The following FYB1 variants were observed in gnomAD, a reference collection of about 807,000 sequenced individuals.
FYB1 encodes FYN binding protein 1.
FYB1 carries 41 observed loss-of-function variants against 94.1 expected under a neutral mutation model. That is an observed-to-expected ratio of 0.44 (90% CI 0.34 to 0.57). FYB1 has a LOEUF of 0.57. Ranked by LOEUF, FYB1 falls within the 20% of genes least tolerant of loss-of-function variation. The pLI is 0.02. For synonymous variants in FYB1, 367 were observed against 353.2 expected, an observed-to-expected ratio of 1.04 and a Z score of -0.44; for missense variants, 1,050 against 976.8, an observed-to-expected ratio of 1.07 and a Z score of -1.00.
chr5:39,242,802 C>T (rs10052659), intron 1 of FYB1, among the ~76,000 whole-genome samples: 25,609 of 152,008 alleles, frequency 0.17, 5,756 homozygotes, highest in African/African-American at 0.5. Flanking sequence ...CCAGCACCTG[C>T]TGTTTCCTGA....
chr5:39,225,886 T>A (rs541246856), intron 1 of FYB1, among the ~76,000 whole-genome samples: 73 of 152,314 alleles, frequency 4.8e-4, no homozygotes, highest in African/African-American at 1.7e-3. Context: ...CAGTGGTTGG[T>A]TCCACTTTTT....
Position 39,202,240 on chromosome 5 carries a change from C to A in FYB1, c.721G>T (p.Ala241Ser). ...VRSKSGPLKPAREDSENKDHA... is the reference protein window; with the variant it reads ...VRSKSGPLKPSREDSENKDHA... ...TCTTTATTTTCTGAGTCTTCCCTTGCTGGTTTTAAAGGGCCGCTTTTGGAC... is the reference window on the plus strand; with the variant it reads ...TCTTTATTTTCTGAGTCTTCCCTTGATGGTTTTAAAGGGCCGCTTTTGGAC... Residue 241 changes from alanine to serine, a missense_variant, in exon 2 of 19, where the codon GCA (alanine) becomes TCA (serine). Physicochemically the swap from Ala to Ser is moderately conservative, Grantham distance 99. Transcript: ENST00000512982. The A allele has an allele frequency of 6.2e-7, 1 of 1,613,950 alleles. No individual in the cohort carries two copies. Among genetic ancestry groups the A allele is most frequent in the Non-Finnish European group, 8.5e-7 (1 of 1,179,888 alleles).
intron 3 of FYB1, among the ~76,000 whole-genome samples, chr5:39,147,299 T>G (rs1390613039): frequency 6.6e-6 from 1 of 152,028 alleles, no homozygotes; most frequent in Non-Finnish European, 1.5e-5. Flanking sequence ...AGACAGGATC[T>G]TACTCTGTCC....
chr5:39,127,557 T>C (rs947294036), intron 11 of FYB1, among the ~76,000 whole-genome samples, 184 bp downstream of exon 11: 67 of 152,096 alleles, frequency 4.4e-4, no homozygotes, highest in African/African-American at 1.5e-3. Flanking sequence ...AATCAAACAC[T>C]TCGTTTGAAG....
At chr5:39,119,362 C>G (rs916461780) in intron 15 of FYB1, among the ~76,000 whole-genome samples, 173 bp downstream of exon 15, 3 of 151,778 alleles carry the variant, frequency 2.0e-5, no homozygotes, top group South Asian at 2.1e-4. Flanking sequence ...AAATTTTGTT[C>G]AAAATAAAAG....
At position 39,185,897 on chromosome 5, in the gene FYB1, C is replaced by CACTTTTG. The variant is rs1746741031; in HGVS notation, c.1135+15922_1135+15928dup. On this transcript the variant is annotated intron_variant, in intron 2 of 18. Coordinates refer to ENST00000512982, the MANE Select transcript of FYB1 (RefSeq NM_001465.6). ...AGGGTATGAAGCAGGGACAGCCGGGCACTTTTGACTTCTACACAACAGAAA... is the reference window on the plus strand; with the variant it reads ...AGGGTATGAAGCAGGGACAGCCGGGCACTTTTGACTTTTGACTTCTACACAACAGAAA... 5.3e-5 allele frequency among the ~76,000 whole-genome samples: 8 copies of CACTTTTG among 152,086 alleles called. No homozygotes were observed. The South Asian group carries it at 1.7e-3, about 32-fold the overall frequency.
At chr5:39,181,870 A>T (rs1457475699) in intron 2 of FYB1, among the ~76,000 whole-genome samples, 1 of 151,768 alleles carries the variant, frequency 6.6e-6, no homozygotes, top group Non-Finnish European at 1.5e-5. Context: ...TCCTTTTTTA[A>T]TTTTTTTTAA....
At chr5:39,144,200 T>A (rs1321115115) in intron 3 of FYB1, among the ~76,000 whole-genome samples, 1 of 152,136 alleles carries the variant, frequency 6.6e-6, no homozygotes, top group Non-Finnish European at 1.5e-5. Flanking sequence ...GCTGAAACAT[T>A]AAGGAGTCTG....
At chr5:39,266,468 C>T (rs1752440796) in intron 1 of FYB1, among the ~76,000 whole-genome samples, 1 of 152,198 alleles carries the variant, frequency 6.6e-6, no homozygotes, top group Non-Finnish European at 1.5e-5. Flanking sequence ...CTTCATAAAA[C>T]ACCAAGTGCC....
At position 39,105,983 on chromosome 5, in the gene FYB1, TA is replaced by T. The variant is rs1650776727; in HGVS notation, c.*1459del. ...TGAAGATTTTCAGTTCCTTTACAGTTATTTGAAATTATTTCAATTCTGTGGA... is the reference window on the plus strand; with the variant it reads ...TGAAGATTTTCAGTTCCTTTACAGTTTTTGAAATTATTTCAATTCTGTGGA... On this transcript the variant is annotated 3_prime_UTR_variant, in exon 19 of 19. Coordinates refer to ENST00000512982, the MANE Select transcript of FYB1 (RefSeq NM_001465.6). 1 of 152,178 alleles carries T rather than the reference TA, an allele frequency of 6.6e-6. No individual in the cohort carries two copies. The highest frequency in any genetic ancestry group is 2.1e-4 in the South Asian group (1 of 4,836). The allele number at this position is 152,178 out of a possible 1,614,324, so 9.4% of individuals were successfully genotyped here.
chr5:39,127,450 C>CAAAA (rs34709432), intron 11 of FYB1, among the ~76,000 whole-genome samples: 3 of 66,398 alleles, frequency 4.5e-5, no homozygotes, highest in African/African-American at 9.4e-5. Flanking sequence ...GACTCTGTCT[C>CAAAA]AAAAAAAAAA....
At chr5:39,272,439 C>T (rs939386913) in intron 1 of FYB1, among the ~76,000 whole-genome samples, 6 of 151,410 alleles carry the variant, frequency 4.0e-5, no homozygotes, top group Middle Eastern at 3.2e-3. Flanking sequence ...CCGAGGCAGG[C>T]GGATCATGGG....
At chr5:39,126,695 CAAAAA>C (rs1272438775) in intron 11 of FYB1, among the ~76,000 whole-genome samples, 1 of 29,026 alleles carries the variant, frequency 3.4e-5, no homozygotes, top group African/African-American at 1.3e-4. Flanking sequence ...GACCTGGTCT[CAAAAA>C]AAAAAAAAAA....
intron 11 of FYB1, 40 bp from the exon 12 acceptor site, chr5:39,126,175 G>A (rs776079266): frequency 6.9e-6 from 11 of 1,599,570 alleles, no homozygotes; most frequent in Non-Finnish European, 8.5e-6. Context: ...GTAATAATCA[G>A]CGGCAAGTGA....
At chr5:39,182,208 C>T (rs1746305712) in intron 2 of FYB1, among the ~76,000 whole-genome samples, 1 of 152,006 alleles carries the variant, frequency 6.6e-6, no homozygotes, top group South Asian at 2.1e-4. Flanking sequence ...CATTCATCTT[C>T]TTATCATTCC....
At chr5:39,233,593 ACTT>A (rs1750838527) in intron 1 of FYB1, among the ~76,000 whole-genome samples, 1 of 152,176 alleles carries the variant, frequency 6.6e-6, no homozygotes, top group African/African-American at 2.4e-5. Flanking sequence ...TTAACATAAA[ACTT>A]CTATGAAAAA....
At chr5:39,264,554 T>G (rs981199244) in intron 1 of FYB1, among the ~76,000 whole-genome samples, 1 of 152,188 alleles carries the variant, frequency 6.6e-6, no homozygotes, top group African/African-American at 2.4e-5. Flanking sequence ...TTGCCTATTC[T>G]CCAGCCATCC....
At chr5:39,235,540 T>G (rs949162410) in intron 1 of FYB1, among the ~76,000 whole-genome samples, 5 of 151,602 alleles carry the variant, frequency 3.3e-5, no homozygotes, top group Admixed American at 1.3e-4. Context: ...TTGTTTCCCT[T>G]CCTGCCAATT....
chr5:39,240,137 C>G (rs948569242), intron 1 of FYB1, among the ~76,000 whole-genome samples: 5 of 152,092 alleles, frequency 3.3e-5, no homozygotes, highest in Non-Finnish European at 7.4e-5. Flanking sequence ...AAGATTGAAG[C>G]TGAACCCCTC....
Sources: allele counts gnomAD v4.1 joint callset (sites outside exome capture counted in the v4.1 genomes callset), GRCh38; gene constraint gnomAD v4.1.1; transcripts MANE v1.5; gene names NCBI Gene and HGNC (gene_info 2026-07-23, HGNC 2026-07-21).